Variants in ADAMTS17 observed in about 807,000 individuals in gnomAD.
ADAMTS17 encodes the protein A disintegrin and metalloproteinase with thrombospondin motifs 17.
ADAMTS17 carries 113 observed loss-of-function variants against 141.5 expected under a neutral mutation model. The observed-to-expected ratio is 0.80, with a 90% CI of 0.69 to 0.93. The LOEUF (loss-of-function observed/expected upper bound fraction) is 0.93. ADAMTS17 is among the 40% of genes least tolerant of loss of function. The pLI is 0.00. For synonymous variants in ADAMTS17, 768 were observed against 630.6 expected, an observed-to-expected ratio of 1.22 and a Z score of -3.27; for missense variants, 1,659 against 1,517.9, an observed-to-expected ratio of 1.09 and a Z score of -1.54.
intron 8 of ADAMTS17, among the ~76,000 whole-genome samples, chr15:100,174,178 A>G (rs1339544549): frequency 6.6e-6 from 1 of 152,256 alleles, no homozygotes; most frequent in African/African-American, 2.4e-5. Flanking sequence ...GCTAGGCAAC[A>G]CAACATTCAG....
chr15:100,134,482 T>G (rs1052647474), intron 10 of ADAMTS17, among the ~76,000 whole-genome samples: 8 of 152,168 alleles, frequency 5.3e-5, no homozygotes, highest in Admixed American at 5.2e-4. Flanking sequence ...CTCCAGGGTG[T>G]GGCCAGGGAC....
intron 16 of ADAMTS17, 144 bp downstream of exon 16, chr15:100,053,753 G>A: frequency 8.4e-7 from 1 of 1,189,590 alleles, no homozygotes; most frequent in Admixed American, 1.7e-5. Flanking sequence ...GGAGAGGACT[G>A]AGCAGCAGGG....
In ADAMTS17 at chr15:100,152,751, C is replaced by A; in HGVS notation, c.1334G>T (p.Ser445Ile). The A allele has an allele frequency of 1.2e-6, 2 of 1,614,116 alleles. No homozygotes were observed. Among genetic ancestry groups the A allele is most frequent in the Non-Finnish European group, 1.7e-6 (2 of 1,180,042 alleles). ...DLENFLKSKV[S>I]TCLLVTDPRS... ...GGGGTCCGTGACTAGCAAGCAGGTG[C>A]TGACTTTTGACCTGAAACAGCCGAG... Residue 445 changes from serine to isoleucine, a missense_variant, in exon 10 of 22, where the codon AGC becomes ATC. Physicochemically the swap from Ser to Ile is moderately radical, Grantham distance 142. Coordinates refer to ENST00000268070, the MANE Select transcript of ADAMTS17 (RefSeq NM_139057.4).
At chr15:100,276,743 AG>A (rs1020820910) in intron 4 of ADAMTS17, among the ~76,000 whole-genome samples, 2 of 152,100 alleles carry the variant, frequency 1.3e-5, no homozygotes, top group African/African-American at 4.8e-5. Flanking sequence ...TCTATGTTCC[AG>A]GGGGCTTGTC....
intron 12 of ADAMTS17, chr15:100,128,151 AG>A (rs1383155174): frequency 6.6e-6 from 1 of 152,216 alleles, no homozygotes; most frequent in Non-Finnish European, 1.5e-5. Flanking sequence ...CTAGGAGTAG[AG>A]GTCCCAGTTT....
intron 3 of ADAMTS17, 76 bp from the exon 4 acceptor site, chr15:100,281,477 T>C: frequency 6.5e-7 from 1 of 1,540,570 alleles, no homozygotes. Context: ...AGGCCTTCTG[T>C]CAAGCCTGCC....
At chr15:100,121,615 G>T (rs987772875) in intron 12 of ADAMTS17, among the ~76,000 whole-genome samples, 4 of 152,068 alleles carry the variant, frequency 2.6e-5, no homozygotes, top group Non-Finnish European at 5.9e-5. Context: ...AAAAATCAAG[G>T]TGAAAATTAA....
intron 18 of ADAMTS17, among the ~76,000 whole-genome samples, chr15:100,012,793 A>G (rs1286859099): frequency 6.6e-6 from 1 of 152,146 alleles, no homozygotes; most frequent in Non-Finnish European, 1.5e-5. Context: ...ACGGCCTTAT[A>G]GTATAGTTTG....
At chr15:100,194,378 C>T (rs758987942) in intron 8 of ADAMTS17, among the ~76,000 whole-genome samples, 4 of 152,326 alleles carry the variant, frequency 2.6e-5, no homozygotes, top group South Asian at 2.1e-4. Flanking sequence ...ACACTTCCCT[C>T]GAAACACAAG....
chr15:99,979,968 C>T (rs763935266), intron 20 of ADAMTS17: 11 of 152,124 alleles, frequency 7.2e-5, no homozygotes, highest in South Asian at 2.1e-4. Context: ...CCTGGGAAAA[C>T]GGGATTACCA....
chr15:100,239,435 G>A (rs551446212), intron 7 of ADAMTS17, among the ~76,000 whole-genome samples: 47 of 152,284 alleles, frequency 3.1e-4, no homozygotes, highest in Admixed American at 7.2e-4. Context: ...TGAAAGCAAC[G>A]CTCTTCAGCT....
At chr15:100,209,135 GAAGA>G (rs2041700350) in intron 7 of ADAMTS17, among the ~76,000 whole-genome samples, 2 of 114,030 alleles carry the variant, frequency 1.8e-5, no homozygotes, top group Non-Finnish European at 3.8e-5. Context: ...AAAAAAAAAG[GAAGA>G]AAGAAAGAAA....
intron 15 of ADAMTS17, among the ~76,000 whole-genome samples, chr15:100,058,185 C>CA (rs2032767993): frequency 4.1e-5 from 2 of 48,340 alleles, no homozygotes; most frequent in Admixed American, 1.4e-4. Context: ...CCGGCTCTAA[C>CA]ACCCCTATCC....
intron 18 of ADAMTS17, among the ~76,000 whole-genome samples, chr15:100,040,313 T>C (rs1029224606): frequency 6.6e-6 from 1 of 152,260 alleles, no homozygotes; most frequent in African/African-American, 2.4e-5. Context: ...TGTGGGCTGA[T>C]GTTTCTTCCA....
chr15:99,995,858 G>A (rs960911746), intron 19 of ADAMTS17, among the ~76,000 whole-genome samples: 15 of 152,152 alleles, frequency 9.9e-5, no homozygotes, highest in African/African-American at 3.6e-4. Context: ...GCCAGAGTTA[G>A]GCTGACTGGT....
chr15:100,297,615 C>T (rs1212182087), intron 3 of ADAMTS17, among the ~76,000 whole-genome samples: 1 of 152,108 alleles, frequency 6.6e-6, no homozygotes, highest in Non-Finnish European at 1.5e-5. Context: ...AATTGGGGAC[C>T]ACTGGAATAG....
At chr15:100,237,479 GGGGCAGGCTGAGCAGACACAA>G (rs2042694567) in intron 7 of ADAMTS17, among the ~76,000 whole-genome samples, 1 of 152,158 alleles carries the variant, frequency 6.6e-6, no homozygotes, top group Admixed American at 6.6e-5. Context: ...ATGATGTCCT[GGGGCAGGCTGAGCAGACACAA>G]GGACAAGCTT....
At chr15:99,998,144 G>C (rs1432625444) in intron 18 of ADAMTS17, among the ~76,000 whole-genome samples, 1 of 152,158 alleles carries the variant, frequency 6.6e-6, no homozygotes, top group African/African-American at 2.4e-5. Flanking sequence ...CACTGACAAA[G>C]AACCCCCCAG....
At chr15:99,996,534 C>T (rs1395095381) in intron 19 of ADAMTS17, among the ~76,000 whole-genome samples, 1 of 152,182 alleles carries the variant, frequency 6.6e-6, no homozygotes, top group Non-Finnish European at 1.5e-5. Flanking sequence ...GATCTATAAA[C>T]AAATACATGC....
Sources: allele counts gnomAD v4.1 joint callset (sites outside exome capture counted in the v4.1 genomes callset), GRCh38; gene constraint gnomAD v4.1.1; transcripts MANE v1.5; gene names NCBI Gene and HGNC (gene_info 2026-07-23, HGNC 2026-07-21).